Variants in CEP97 observed in about 807,000 individuals in gnomAD.
CEP97 encodes centrosomal protein of 97 kDa.
Under a neutral mutation model 73.1 loss-of-function variants are expected in CEP97, and 43 were observed. The ratio of observed to expected loss-of-function variants is 0.59; its 90% CI spans 0.46 to 0.76. CEP97 has a LOEUF of 0.76. CEP97 is among the 30% of genes least tolerant of loss of function. The pLI, the probability that CEP97 is intolerant of heterozygous loss-of-function variation, is 0.00. For missense variants in CEP97, 939 were observed against 1,014.0 expected, an observed-to-expected ratio of 0.93 and a Z score of 1.00; for synonymous variants, 337 against 370.0, an observed-to-expected ratio of 0.91 and a Z score of 1.02.
rs113341347 is a variant in CEP97 at position 101,756,017 on chromosome 3, G to C, written c.893+423G>C. Among the ~76,000 whole-genome samples, 389 of 151,832 alleles carry C rather than the reference G, an allele frequency of 2.6e-3. 1 individual carries two copies. The highest frequency in any genetic ancestry group is 8.9e-3 in the African/African-American group (367 of 41,324). On this transcript the variant is annotated intron_variant, in intron 7 of 10. Transcript: ENST00000341893. ...TAAAGTGCTAGGATAATAGGTATGA[G>C]CTACTACACCAGGAAACGGGATAGG...
At chr3:101,762,409 T>C in intron 9 of CEP97, 76 bp from the exon 10 acceptor site, 1 of 763,664 alleles carries the variant, frequency 1.3e-6, no homozygotes. Context: ...ACAATGCATG[T>C]GTTTATGAGT....
rs1289552070 is a variant in CEP97 at position 101,727,279 on chromosome 3, GT to G, written c.187-101del. 7 of 868,410 alleles carry G rather than the reference GT, an allele frequency of 8.1e-6. No individual in the cohort carries two copies. In the Admixed American group the frequency reaches 1.6e-4, roughly 20 times the overall value. 53.8% of individuals were successfully genotyped at this position (868,410 alleles called of 1,614,324 possible). On this transcript the variant is annotated intron_variant, in intron 2 of 10. Transcript: ENST00000341893. ...TATGTGAAATGTACAAAAGGAGTTT[GT>G]TTGAGAGTGTTTGGCTGTCTAAATA...
At chr3:101,753,709 G>A (rs1477798576) in intron 6 of CEP97, among the ~76,000 whole-genome samples, 1 of 152,178 alleles carries the variant, frequency 6.6e-6, no homozygotes, top group East Asian at 1.9e-4. Flanking sequence ...CTCCGAGCCA[G>A]GTGCGGGATA....
chr3:101,747,914 G>T (rs577655004), intron 6 of CEP97, among the ~76,000 whole-genome samples: 136 of 151,336 alleles, frequency 9.0e-4, no homozygotes, highest in African/African-American at 3.1e-3. Flanking sequence ...CTTGAAGTCA[G>T]CAGTTCAAGA....
Position 101,726,596 on chromosome 3 carries a change from T to A in CEP97, c.46T>A (p.Ser16Thr). 1.3e-6 allele frequency: 2 copies of A among 1,581,636 alleles called. No homozygotes were observed. Among genetic ancestry groups the A allele is most frequent in the East Asian group, 2.3e-5 (1 of 44,024 alleles). Reference sequence around the variant, plus strand: ...TAACATTTCCGTTTCTTTTCAAGGATCAGTGGTCAATTGGTCAGGACAGGG... The same window carrying A: ...TAACATTTCCGTTTCTTTTCAAGGAACAGTGGTCAATTGGTCAGGACAGGG... ...VDAALPPGEG[S>T]VVNWSGQGLQ... The change falls in exon 2 of 11, where the codon TCA becomes ACA. Residue 16 changes from serine to threonine, a missense_variant and splice_region_variant. Coordinates refer to ENST00000341893, the MANE Select transcript of CEP97 (RefSeq NM_024548.4).
chr3:101,724,774 T>C (rs1937822544), intron 1 of CEP97, 55 bp downstream of exon 1: 4 of 1,559,614 alleles, frequency 2.6e-6, no homozygotes, highest in African/African-American at 2.7e-5. Flanking sequence ...CTGAATTAAA[T>C]AGTGGAGAGC....
chr3:101,758,210 A>G lies in CEP97; in HGVS notation c.1604A>G (p.Glu535Gly). The G allele has an allele frequency of 3.1e-6, 5 of 1,614,204 alleles. No individual in the cohort carries two copies. The highest frequency in any genetic ancestry group is 4.2e-6 in the Non-Finnish European group (5 of 1,180,036). ...GAAACCATATCTCAAGCAACTTCAG[A>G]GAAACTTCCCATGATTTTAACCCAG... is the stretch of plus-strand genomic sequence containing the variant. ...NKETISQATS[E>G]KLPMILTQRS... Residue 535 changes from glutamate to glycine, a missense_variant, in exon 9 of 11, where the codon GAG (glutamate) becomes GGG (glycine). Physicochemically the swap from Glu to Gly is moderately conservative, Grantham distance 98. Coordinates refer to ENST00000341893, the MANE Select transcript of CEP97 (RefSeq NM_024548.4).
chr3:101,745,127 G>C (rs1415715574), intron 6 of CEP97, among the ~76,000 whole-genome samples: 1 of 152,170 alleles, frequency 6.6e-6, no homozygotes, highest in Non-Finnish European at 1.5e-5. Context: ...TTAGATCTCT[G>C]TTTTGCTATT....
intron 1 of CEP97, among the ~76,000 whole-genome samples, chr3:101,724,992 G>A (rs758148380): frequency 1.3e-5 from 2 of 152,230 alleles, no homozygotes; most frequent in Non-Finnish European, 2.9e-5. Flanking sequence ...CCGATGCTGA[G>A]GAGGCGGTGG....
At chr3:101,732,020 T>C (rs1056255678) in intron 5 of CEP97, 67 bp downstream of exon 5, 1 of 900,136 alleles carries the variant, frequency 1.1e-6, no homozygotes, top group African/African-American at 1.7e-5. Flanking sequence ...CAGGAGAGGG[T>C]TGTGAGCTTA....
At chr3:101,764,552 G>A (rs962706380) in intron 10 of CEP97, among the ~76,000 whole-genome samples, 6 of 151,740 alleles carry the variant, frequency 4.0e-5, no homozygotes, top group Non-Finnish European at 7.4e-5. Context: ...TGGAGGTTGC[G>A]GTAAGCCGAG....
chr3:101,738,247 G>T (rs528919454), intron 6 of CEP97, among the ~76,000 whole-genome samples: 1 of 152,068 alleles, frequency 6.6e-6, no homozygotes, highest in African/African-American at 2.4e-5. Context: ...CACAATAATA[G>T]TGGGAGACTT....
rs187150227 is a variant in CEP97, at chr3:101,730,633, A to G, written c.448-1207A>G. Among the ~76,000 whole-genome samples, 361 of 150,384 alleles carry G rather than the reference A, an allele frequency of 2.4e-3. No homozygotes were observed. In the Middle Eastern group the frequency reaches 0.034, roughly 14 times the overall value. On this transcript the variant is annotated intron_variant, in intron 4 of 10. Coordinates refer to ENST00000341893, the MANE Select transcript of CEP97 (RefSeq NM_024548.4). ...GTTTTTAAAGTAATAGGTATTAGCT[A>G]ATTGTCAAAATTAATTTCACTTAGA...
At chr3:101,764,260 G>A (rs1340987737) in intron 10 of CEP97, among the ~76,000 whole-genome samples, 1 of 152,148 alleles carries the variant, frequency 6.6e-6, no homozygotes, top group Non-Finnish European at 1.5e-5. Flanking sequence ...GAGCCCAGGA[G>A]TTCAAGACCA....
At chr3:101,740,786 T>A (rs1938426196) in intron 6 of CEP97, among the ~76,000 whole-genome samples, 1 of 152,144 alleles carries the variant, frequency 6.6e-6, no homozygotes, top group South Asian at 2.1e-4. Flanking sequence ...ATGGGGTTTC[T>A]CCATGTTGGT....
chr3:101,746,192 T>C (rs1199687664), intron 6 of CEP97, among the ~76,000 whole-genome samples: 4 of 152,236 alleles, frequency 2.6e-5, no homozygotes, highest in Admixed American at 6.5e-5. Context: ...TCTTTGCTAT[T>C]GTGAATAATG....
chr3:101,754,492 C>T (rs1418142624), intron 6 of CEP97, among the ~76,000 whole-genome samples: 2 of 152,104 alleles, frequency 1.3e-5, no homozygotes, highest in Non-Finnish European at 2.9e-5. Context: ...TTCTTTCTTA[C>T]TCTGTTTAGT....
At chr3:101,743,577 G>A (rs1027286205) in intron 6 of CEP97, among the ~76,000 whole-genome samples, 1 of 152,028 alleles carries the variant, frequency 6.6e-6, no homozygotes, top group Non-Finnish European at 1.5e-5. Context: ...TAAATTTTTA[G>A]TTCAGATAAG....
rs370622578 is a variant in CEP97, at chr3:101,764,966, C to G, written c.2013C>G (p.Ser671Arg). 3 of 1,614,026 alleles carry G rather than the reference C, an allele frequency of 1.9e-6. No homozygotes were observed. The highest frequency in any genetic ancestry group is 2.7e-5 in the African/African-American group (2 of 74,918). ...CGAAACATCCATTATTTACCCAAAG[C>G]CAGGAGTCCTCTTGTGATCAAAATG... is the stretch of plus-strand genomic sequence containing the variant. Reference protein sequence around the residue: ...VPSKHPLFTQSQESSCDQNAD... With the variant: ...VPSKHPLFTQRQESSCDQNAD... Residue 671 changes from serine (S) to arginine (R), a missense_variant, in exon 11 of 11, where the codon AGC (serine) becomes AGG (arginine). Physicochemically the swap from Ser to Arg is moderately radical, Grantham distance 110 (BLOSUM62 -1). Coordinates refer to ENST00000341893, the MANE Select transcript of CEP97 (RefSeq NM_024548.4).
Sources: gnomAD v4.1 joint callset for allele counts (sites outside exome capture counted in the v4.1 genomes callset) on GRCh38, gnomAD v4.1.1 for gene constraint, MANE v1.5 for transcripts, NCBI Gene and HGNC (gene_info 2026-07-23, HGNC 2026-07-21) for gene names.